TTC27: variants seen among roughly 807,000 people sequenced by gnomAD.
The protein encoded by TTC27 is tetratricopeptide repeat protein 27.
Under a neutral mutation model 115.9 loss-of-function variants are expected in TTC27, and 79 were observed. The ratio of observed to expected loss-of-function variants is 0.68; its 90% CI spans 0.57 to 0.82. TTC27 has a LOEUF of 0.82. Among genes scored for constraint, TTC27 ranks in the 40% least tolerant of loss-of-function variants. The pLI is 0.00. For missense variants in TTC27, 1,054 were observed against 993.1 expected, an observed-to-expected ratio of 1.06 and a Z score of -0.82; for synonymous variants, 401 against 356.0, an observed-to-expected ratio of 1.13 and a Z score of -1.42.
In TTC27 at chr2:32,678,901, G is replaced by A. The variant is rs1452316231; in HGVS notation, c.1098G>A (p.Val366=). ...ACCCAGTGCACACATTAACTGAAGT[G>A]GAGCTTCTGGCATTTACATCAGTGA... is the stretch of plus-strand genomic sequence containing the variant. ...KNNPVHTLTE[V]ELLAFTSCLL... The change falls in exon 9 of 20, where the codon GTG becomes GTA. Residue 366 remains valine (V), a synonymous_variant. Transcript: ENST00000317907. The A allele has an allele frequency of 6.2e-7, 1 of 1,612,986 alleles. No homozygotes were observed. Among genetic ancestry groups the A allele is most frequent in the Non-Finnish European group, 8.5e-7 (1 of 1,179,482 alleles).
Position 32,628,202 on chromosome 2 carries a change from C to A in TTC27, c.-91C>A. 1.6e-6 allele frequency: 2 copies of A among 1,219,966 alleles called. No individual in the cohort carries two copies. Among genetic ancestry groups the A allele is most frequent in the Non-Finnish European group, 2.3e-6 (2 of 854,166 alleles). The allele number at this position is 1,219,966 out of a possible 1,614,324, so 75.6% of individuals were successfully genotyped here. A position where few individuals can be genotyped will look rare whatever the true frequency, so the allele number is the denominator to read the frequency against. On this transcript the variant is annotated 5_prime_UTR_variant, in exon 1 of 20. Coordinates refer to ENST00000317907, the MANE Select transcript of TTC27 (RefSeq NM_017735.5). ...GGTAACTGTCGCCACTAGATTTCAGCGCCTTTGGACTCTCCTGTTTTCACT... is the reference window on the plus strand; with the variant it reads ...GGTAACTGTCGCCACTAGATTTCAGAGCCTTTGGACTCTCCTGTTTTCACT...
At chr2:32,733,702 T>C in intron 10 of TTC27, 126 bp from the exon 11 acceptor site, 1 of 517,510 alleles carries the variant, frequency 1.9e-6, no homozygotes, top group Non-Finnish European at 3.2e-6. Context: ...ACACATCCTA[T>C]CACCTTATCA....
At chr2:32,771,382 C>G (rs1669825991) in intron 13 of TTC27, among the ~76,000 whole-genome samples, 1 of 152,070 alleles carries the variant, frequency 6.6e-6, no homozygotes, top group South Asian at 2.1e-4. Context: ...ATATATCTAA[C>G]AGGAGAATCT....
intron 7 of TTC27, among the ~76,000 whole-genome samples, chr2:32,669,607 C>T (rs973414943): frequency 5.9e-5 from 9 of 151,834 alleles, no homozygotes; most frequent in African/African-American, 9.7e-5. Context: ...CAACATGGCC[C>T]GGTGTGGTGG....
Position 32,682,847 on chromosome 2 carries a change from G to GTTTT in TTC27, c.1119+3945_1119+3948dup, listed in dbSNP as rs70938360. 5.4e-4 allele frequency among the ~76,000 whole-genome samples: 27 copies of GTTTT among 49,782 alleles called. No individual in the cohort carries two copies. In the East Asian group the frequency reaches 9.0e-3, roughly 17 times the overall value. The allele number at this position is 49,782 out of a possible 152,430, so 32.7% of individuals were successfully genotyped here. On this transcript the variant is annotated intron_variant, in intron 9 of 19. Coordinates refer to ENST00000317907, the MANE Select transcript of TTC27 (RefSeq NM_017735.5). ...CCACACCCGGATAATTTTTATTGTT[G>GTTTT]TTTTTTTTTTTTTTTTTTTTTTTGA...
At chr2:32,755,785 T>G (rs886733126) in intron 12 of TTC27, among the ~76,000 whole-genome samples, 5 of 152,232 alleles carry the variant, frequency 3.3e-5, no homozygotes, top group Admixed American at 2.0e-4. Flanking sequence ...ATTCCCTGGT[T>G]CTCTGACCTG....
At chr2:32,663,047 C>G (rs1665612819) in intron 5 of TTC27, among the ~76,000 whole-genome samples, 1 of 152,172 alleles carries the variant, frequency 6.6e-6, no homozygotes, top group South Asian at 2.1e-4. Flanking sequence ...TCGAGTGTCC[C>G]AGGTTGACCA....
chr2:32,812,760 A>G (rs569736158), intron 18 of TTC27, 145 bp downstream of exon 18: 3 of 613,014 alleles, frequency 4.9e-6, no homozygotes, highest in East Asian at 2.9e-5. Flanking sequence ...AATTCAGCAA[A>G]CATTCATAGA....
chr2:32,751,846 G>C (rs1237555639), intron 12 of TTC27, among the ~76,000 whole-genome samples: 1 of 152,200 alleles, frequency 6.6e-6, no homozygotes, highest in Non-Finnish European at 1.5e-5. Context: ...GTGATTCAAA[G>C]ATAGGAACTG....
At chr2:32,805,519 G>A (rs1056246321) in intron 16 of TTC27, among the ~76,000 whole-genome samples, 15 of 152,158 alleles carry the variant, frequency 9.9e-5, no homozygotes, top group African/African-American at 3.4e-4. Context: ...TAATGAAATC[G>A]GGTAGGTCAC....
intron 16 of TTC27, among the ~76,000 whole-genome samples, chr2:32,791,932 A>G (rs1670551750): frequency 6.6e-6 from 1 of 152,218 alleles, no homozygotes; most frequent in Non-Finnish European, 1.5e-5. Flanking sequence ...AATTTTAACT[A>G]CATGTATTCT....
At chr2:32,726,946 A>G (rs1668129430) in intron 10 of TTC27, among the ~76,000 whole-genome samples, 1 of 152,214 alleles carries the variant, frequency 6.6e-6, no homozygotes, top group East Asian at 1.9e-4. Context: ...GGGGAACTCC[A>G]CTTTATAAAA....
chr2:32,657,528 A>G (rs1665374628), intron 5 of TTC27, among the ~76,000 whole-genome samples: 1 of 151,546 alleles, frequency 6.6e-6, no homozygotes, highest in Admixed American at 6.6e-5. Flanking sequence ...TAATTTTTGT[A>G]TTTTTAGTAG....
At chr2:32,763,226 C>T (rs1172314023) in intron 13 of TTC27, among the ~76,000 whole-genome samples, 21 of 152,102 alleles carry the variant, frequency 1.4e-4, no homozygotes, top group Admixed American at 1.4e-3. Flanking sequence ...TGTAATTGTA[C>T]AGAACTACTA....
intron 3 of TTC27, 127 bp from the exon 4 acceptor site, chr2:32,640,143 C>T: frequency 1.2e-6 from 1 of 841,496 alleles, no homozygotes; most frequent in Non-Finnish European, 1.8e-6. Context: ...GTGCCAATTG[C>T]TGTGTAATAT....
intron 9 of TTC27, among the ~76,000 whole-genome samples, chr2:32,702,020 A>C (rs76712281): frequency 0.2 from 29,439 of 145,540 alleles, 3,471 homozygotes; most frequent in South Asian, 0.43. Context: ...CAAAAAAAAA[A>C]AAAAACAAAA....
intron 12 of TTC27, among the ~76,000 whole-genome samples, chr2:32,738,152 C>A (rs772610487): frequency 3.5e-4 from 54 of 152,204 alleles, no homozygotes; most frequent in Admixed American, 3.5e-3. Context: ...GTTATTGACT[C>A]TTTACTTGCG....
chr2:32,683,417 C>G (rs1041036528), intron 9 of TTC27, among the ~76,000 whole-genome samples: 1 of 152,088 alleles, frequency 6.6e-6, no homozygotes, highest in Non-Finnish European at 1.5e-5. Context: ...AATTTTGTTC[C>G]GTTTTGATTA....
At chr2:32,696,467 T>C (rs1057246647) in intron 9 of TTC27, among the ~76,000 whole-genome samples, 27 of 151,672 alleles carry the variant, frequency 1.8e-4, no homozygotes. Context: ...TTTTTTTGTG[T>C]GTTTTTAGTA....
Sources: allele counts gnomAD v4.1 joint callset (sites outside exome capture counted in the v4.1 genomes callset), GRCh38; gene constraint gnomAD v4.1.1; transcripts MANE v1.5; gene names NCBI Gene and HGNC (gene_info 2026-07-23, HGNC 2026-07-21).